DNAJC13: variants seen among roughly 807,000 people sequenced by gnomAD.
DNAJC13 encodes dnaJ homolog subfamily C member 13.
A neutral mutation model predicts 290.5 loss-of-function variants in DNAJC13; 75 were observed. The observed-to-expected ratio is 0.26, with a 90% CI of 0.21 to 0.31. DNAJC13 has a LOEUF of 0.31. Among genes scored for constraint, DNAJC13 ranks in the 10% least tolerant of loss-of-function variants. The probability of loss-of-function intolerance (pLI) is 1.00; values close to 1 mark genes in which losing one functional copy is unlikely to be tolerated. For synonymous variants in DNAJC13, 862 were observed against 892.0 expected (o/e 0.97, Z 0.60); for missense variants, 2,260 against 2,674.5 (o/e 0.85, Z 3.42).
At chr3:132,445,530 T>G (rs983365785) in intron 2 of DNAJC13, among the ~76,000 whole-genome samples, 2 of 152,074 alleles carry the variant, frequency 1.3e-5, no homozygotes, top group Non-Finnish European at 2.9e-5. Flanking sequence ...TGGGAGTTAC[T>G]TGGTCCTCAG....
At chr3:132,510,811 T>A (rs1049513166) in intron 43 of DNAJC13, among the ~76,000 whole-genome samples, 1 of 152,148 alleles carries the variant, frequency 6.6e-6, no homozygotes, top group Non-Finnish European at 1.5e-5. Flanking sequence ...CTTCGATTGA[T>A]AAAGGGAGGA....
chr3:132,444,004 C>T (rs1247140474), intron 2 of DNAJC13, among the ~76,000 whole-genome samples: 1 of 152,174 alleles, frequency 6.6e-6, no homozygotes, highest in Non-Finnish European at 1.5e-5. Flanking sequence ...GTACACTTTG[C>T]TCATTGCTAC....
intron 16 of DNAJC13, among the ~76,000 whole-genome samples, chr3:132,463,327 T>C (rs1460990238): frequency 1.3e-5 from 2 of 152,246 alleles, no homozygotes; most frequent in African/African-American, 2.4e-5. Context: ...TCCCTTTAGC[T>C]AATGGGTTCT....
intron 16 of DNAJC13, among the ~76,000 whole-genome samples, chr3:132,462,976 G>T (rs77682405): frequency 0.037 from 5,622 of 152,278 alleles, 146 homozygotes; most frequent in Non-Finnish European, 0.054. Flanking sequence ...GCATGATCTT[G>T]TCGAAGATAC....
chr3:132,511,322 G>A (rs911085057), intron 44 of DNAJC13, 78 bp downstream of exon 44: 5 of 1,471,628 alleles, frequency 3.4e-6, no homozygotes, highest in Middle Eastern at 1.8e-4. Flanking sequence ...ATTTTATCAG[G>A]GAAACTCAGG....
chr3:132,437,259 G>A (rs537418404), intron 2 of DNAJC13, among the ~76,000 whole-genome samples: 5 of 152,186 alleles, frequency 3.3e-5, no homozygotes, highest in Admixed American at 1.3e-4. Context: ...TAAAAGTTCC[G>A]TGTATATGAT....
intron 28 of DNAJC13, chr3:132,484,318 A>G (rs1934781506): frequency 5.9e-6 from 3 of 504,306 alleles, no homozygotes; most frequent in South Asian, 3.4e-5. Flanking sequence ...AACAACACCA[A>G]GTTTAATCAA....
intron 29 of DNAJC13, among the ~76,000 whole-genome samples, chr3:132,485,405 G>A (rs1934833054): frequency 6.6e-6 from 1 of 152,204 alleles, no homozygotes; most frequent in South Asian, 2.1e-4. Flanking sequence ...CTCCTAAAGT[G>A]CTGGGATTAC....
intron 42 of DNAJC13, among the ~76,000 whole-genome samples, chr3:132,506,584 A>C (rs1241326392): frequency 2.1e-5 from 2 of 95,782 alleles, no homozygotes; most frequent in Admixed American, 3.3e-4. Context: ...ATTGAGTCTC[A>C]CTCTGTTGCC....
At chr3:132,422,547 A>G (rs1938990894) in intron 1 of DNAJC13, among the ~76,000 whole-genome samples, 2 of 152,234 alleles carry the variant, frequency 1.3e-5, no homozygotes, top group South Asian at 4.1e-4. Context: ...CAGTGTTCAC[A>G]TACCCAGCAT....
At chr3:132,455,351 C>T (rs1031605871) in intron 9 of DNAJC13, among the ~76,000 whole-genome samples, 9 of 151,968 alleles carry the variant, frequency 5.9e-5, no homozygotes, top group Admixed American at 2.0e-4. Context: ...CAGGTGTTGG[C>T]GAGGATATGG....
rs68049166 is a variant in DNAJC13, at chr3:132,436,883, C to CTTTTT, written c.68+2275_68+2279dup. ...AACTAAAAAAATTTTTTTTATTTTA[C>CTTTTT]TTTTTTTTTTTTTTCTTTTTGAGAC... On this transcript the variant is annotated intron_variant, in intron 2 of 55. Coordinates refer to ENST00000260818, the MANE Select transcript of DNAJC13 (RefSeq NM_015268.4). Among the ~76,000 whole-genome samples, 30 of 141,932 alleles carry CTTTTT rather than the reference C, an allele frequency of 2.1e-4. No homozygotes were observed. In the Admixed American group the frequency reaches 2.1e-3, roughly 10 times the overall value. The allele number at this position is 141,932 out of a possible 152,430, so 93.1% of individuals were successfully genotyped here.
intron 46 of DNAJC13, chr3:132,514,921 T>TCGGAGATCACC: frequency 5.1e-6 from 1 of 194,552 alleles, no homozygotes; most frequent in Non-Finnish European, 9.2e-6. Context: ...TTCAGTTTGT[T>TCGGAGATCACC]GAGATCTACA....
chr3:132,525,288 C>T (rs1936220243), intron 51 of DNAJC13, among the ~76,000 whole-genome samples: 1 of 152,028 alleles, frequency 6.6e-6, no homozygotes, highest in Non-Finnish European at 1.5e-5. Flanking sequence ...TGTGGTGAGC[C>T]GAGATCGCGC....
chr3:132,473,361 A>C, intron 21 of DNAJC13, 134 bp downstream of exon 21: 1 of 621,352 alleles, frequency 1.6e-6, no homozygotes. Context: ...CAGGAACTAT[A>C]ACTGTTAAGA....
intron 1 of DNAJC13, among the ~76,000 whole-genome samples, chr3:132,418,704 C>G (rs143582469): frequency 6.6e-6 from 1 of 152,126 alleles, no homozygotes; most frequent in Non-Finnish European, 1.5e-5. Flanking sequence ...TTATGTTGAG[C>G]CTTTTGTAAT....
intron 53 of DNAJC13, 132 bp from the exon 54 acceptor site, chr3:132,528,057 T>G (rs1936311880): frequency 1.1e-6 from 1 of 878,292 alleles, no homozygotes; most frequent in Non-Finnish European, 1.7e-6. Flanking sequence ...ATTAGATACT[T>G]AAGCCTGTGT....
chr3:132,469,068 G>A (rs1206888113), intron 20 of DNAJC13, among the ~76,000 whole-genome samples: 1 of 152,110 alleles, frequency 6.6e-6, no homozygotes, highest in Non-Finnish European at 1.5e-5. Flanking sequence ...ATTTACATGG[G>A]GTATTACTAA....
chr3:132,526,056 A>T, intron 52 of DNAJC13, 85 bp from the exon 53 acceptor site: 1 of 1,500,634 alleles, frequency 6.7e-7, no homozygotes, highest in African/African-American at 1.4e-5. Context: ...TTCTTTTTTT[A>T]CTTATTTACT....
Sources: gnomAD v4.1 joint callset for allele counts (sites outside exome capture counted in the v4.1 genomes callset) on GRCh38, gnomAD v4.1.1 for gene constraint, MANE v1.5 for transcripts, NCBI Gene and HGNC (gene_info 2026-07-23, HGNC 2026-07-21) for gene names.